RAD54L2: variants seen among roughly 807,000 people sequenced by gnomAD.
The protein encoded by RAD54L2 is RAD54 like 2.
RAD54L2 carries 27 observed loss-of-function variants against 138.4 expected under a neutral mutation model. The observed-to-expected ratio is 0.20, with a 90% CI of 0.14 to 0.27. RAD54L2 has a LOEUF of 0.27. RAD54L2 is among the 10% of genes least tolerant of loss of function. The pLI is 1.00. For missense variants in RAD54L2, 1,396 were observed against 1,890.2 expected (o/e 0.74, Z 4.85); for synonymous variants, 644 against 723.2 (o/e 0.89, Z 1.76).
chr3:51,554,751 G>A (rs1698923920), intron 2 of RAD54L2, among the ~76,000 whole-genome samples: 1 of 152,150 alleles, frequency 6.6e-6, no homozygotes, highest in Non-Finnish European at 1.5e-5. Flanking sequence ...GTCTGACTAG[G>A]AAACATTTGC....
At chr3:51,578,692 G>C (rs529085039) in intron 2 of RAD54L2, among the ~76,000 whole-genome samples, 1 of 152,180 alleles carries the variant, frequency 6.6e-6, no homozygotes, top group African/African-American at 2.4e-5. Flanking sequence ...GCTTTTGGGC[G>C]CTGGGAAGAG....
Position 51,603,142 on chromosome 3 carries a change from CAA to C in RAD54L2, c.139+12602_139+12603del, listed in dbSNP as rs56410629. Among the ~76,000 whole-genome samples the C allele has an allele frequency of 3.5e-3, 321 of 91,494 alleles. 1 individual carries two copies. Among genetic ancestry groups the C allele is most frequent in the Middle Eastern group, 9.8e-3 (2 of 204 alleles). 60.0% of individuals were successfully genotyped at this position (91,494 alleles called of 152,430 possible). ...CATAGTGAAGACCTCATTACTACTA[CAA>C]AAAAAAAAAAAAAAAAAAGCCAGGC... On this transcript the variant is annotated intron_variant, in intron 3 of 22. Coordinates refer to ENST00000684192, the MANE Select transcript of RAD54L2 (RefSeq NM_015106.4).
At chr3:51,569,504 C>T (rs1438654637) in intron 2 of RAD54L2, among the ~76,000 whole-genome samples, 2 of 152,036 alleles carry the variant, frequency 1.3e-5, no homozygotes, top group South Asian at 2.1e-4. Flanking sequence ...CTGCCTCAGT[C>T]TCCCAAGTAG....
At chr3:51,596,408 A>C (rs1009391508) in intron 3 of RAD54L2, among the ~76,000 whole-genome samples, 1 of 152,042 alleles carries the variant, frequency 6.6e-6, no homozygotes, top group African/African-American at 2.4e-5. Flanking sequence ...GCAGAGAAAC[A>C]TGGGAGAAAA....
chr3:51,583,550 G>A (rs1699652867), intron 2 of RAD54L2, among the ~76,000 whole-genome samples: 1 of 150,662 alleles, frequency 6.6e-6, no homozygotes, highest in Non-Finnish European at 1.5e-5. Flanking sequence ...CTCCCAAGTA[G>A]CTGGGATTCC....
chr3:51,637,256 C>T lies in RAD54L2; in HGVS notation c.1435C>T (p.Leu479=), dbSNP rs1170239886. The T allele has an allele frequency of 6.2e-7, 1 of 1,604,252 alleles. No individual in the cohort carries two copies. Among genetic ancestry groups the T allele is most frequent in the Non-Finnish European group, 8.5e-7 (1 of 1,175,440 alleles). The change falls in exon 11 of 23, where the codon CTG becomes TTG. Residue 479 remains leucine, a synonymous_variant. Transcript: ENST00000684192. This position sits in a 1 kb window ranked among gnomAD's most constrained non-coding sequence, Gnocchi z 5.9. ...KNCQASTSQA[L]KNIRSRRRVV... The stretch of plus-strand genomic sequence containing the variant: ...CTGCCAGGCCAGCACCTCACAGGCT[C>T]TGAAGAATATCCGCTCTCGCCGCCG...
intron 20 of RAD54L2, among the ~76,000 whole-genome samples, chr3:51,657,116 C>T (rs1231024488): frequency 2.0e-5 from 3 of 152,060 alleles, no homozygotes; most frequent in South Asian, 2.1e-4. Context: ...AAAAAGAGAG[C>T]GCCATATAAT....
At chr3:51,587,810 A>G (rs964304074) in intron 2 of RAD54L2, among the ~76,000 whole-genome samples, 1 of 152,154 alleles carries the variant, frequency 6.6e-6, no homozygotes, top group Non-Finnish European at 1.5e-5. Flanking sequence ...AGTACTTTTT[A>G]TGTTAAATGA....
chr3:51,655,195 A>T (rs192932854), intron 19 of RAD54L2, among the ~76,000 whole-genome samples: 2 of 151,394 alleles, frequency 1.3e-5, no homozygotes, highest in African/African-American at 4.8e-5. Flanking sequence ...GAAGAACATA[A>T]CAGTCTTAAG....
Position 51,594,715 on chromosome 3 carries a change from T to A in RAD54L2, c.139+4156T>A, listed in dbSNP as rs1699920717. Reference sequence around the variant, plus strand: ...AAAGTAGAAGGGAAAGTATGGCAAATGCTAAGGAATGATGAGCCGTCTTAT... The same window carrying A: ...AAAGTAGAAGGGAAAGTATGGCAAAAGCTAAGGAATGATGAGCCGTCTTAT... On this transcript the variant is annotated intron_variant, in intron 3 of 22. Transcript: ENST00000684192. 2.0e-5 allele frequency among the ~76,000 whole-genome samples: 3 copies of A among 151,868 alleles called. 1 individual carries two copies. In the South Asian group the frequency reaches 6.2e-4, roughly 32 times the overall value.
At chr3:51,614,667 C>T (rs1700405396) in intron 3 of RAD54L2, among the ~76,000 whole-genome samples, 1 of 152,100 alleles carries the variant, frequency 6.6e-6, no homozygotes, top group South Asian at 2.1e-4. Flanking sequence ...CATGTGCCAC[C>T]ATATCGGGCT....
At chr3:51,629,250 A>G in intron 4 of RAD54L2, 84 bp from the exon 5 acceptor site, 1 of 1,424,320 alleles carries the variant, frequency 7.0e-7, no homozygotes, top group Non-Finnish European at 9.6e-7. Flanking sequence ...TGAGATCATC[A>G]ATGGCTATTT....
intron 2 of RAD54L2, among the ~76,000 whole-genome samples, chr3:51,561,035 T>A (rs1023068870): frequency 1.3e-5 from 2 of 152,222 alleles, no homozygotes; most frequent in Non-Finnish European, 2.9e-5. Flanking sequence ...AAAAGACGGA[T>A]CTGCTTATAC....
Position 51,596,710 on chromosome 3 carries a change from C to T in RAD54L2, c.139+6151C>T, listed in dbSNP as rs189150973. 3.3e-5 allele frequency among the ~76,000 whole-genome samples: 5 copies of T among 152,280 alleles called. No individual in the cohort carries two copies. In the East Asian group the frequency reaches 9.6e-4, roughly 29 times the overall value. ...AAAACCGGATGTCCCAGTTCTTTTC[C>T]TCCAGTGCTTTTACTTTATTACCTG... On this transcript the variant is annotated intron_variant, in intron 3 of 22. Coordinates refer to ENST00000684192, the MANE Select transcript of RAD54L2 (RefSeq NM_015106.4).
intron 2 of RAD54L2, among the ~76,000 whole-genome samples, chr3:51,555,433 T>C (rs1281406749): frequency 1.3e-5 from 2 of 151,426 alleles, no homozygotes; most frequent in Non-Finnish European, 2.9e-5. Context: ...GCCAATATGG[T>C]GAAACCCTGT....
At chr3:51,548,039 C>T (rs12491700) in intron 2 of RAD54L2, among the ~76,000 whole-genome samples, 1 of 130,470 alleles carries the variant, frequency 7.7e-6, no homozygotes, top group Non-Finnish European at 1.6e-5. Context: ...TTACAGGCAC[C>T]TGCCACCACA....
At chr3:51,643,121 C>T (rs1459875452) in intron 15 of RAD54L2, among the ~76,000 whole-genome samples, 5 of 151,094 alleles carry the variant, frequency 3.3e-5, no homozygotes, top group Non-Finnish European at 5.9e-5. Context: ...CTGCAGCCTC[C>T]GTCTCCCAGG....
chr3:51,576,243 G>T lies in RAD54L2; in HGVS notation c.-54-14124G>T, dbSNP rs181108181. 1.6e-3 allele frequency among the ~76,000 whole-genome samples: 238 copies of T among 152,270 alleles called. 6 individuals are homozygous for T. In the East Asian group the frequency reaches 0.036, roughly 23 times the overall value. ...GCTTTTTGATGTGCTGCTGGATTCG[G>T]TTTGCCAGTATTTTATTGAGGATTT... is the stretch of plus-strand genomic sequence containing the variant. On this transcript the variant is annotated intron_variant, in intron 2 of 22. Transcript: ENST00000684192.
intron 2 of RAD54L2, among the ~76,000 whole-genome samples, chr3:51,547,354 C>T (rs1043092423): frequency 2.0e-5 from 3 of 149,754 alleles, no homozygotes; most frequent in South Asian, 2.1e-4. Flanking sequence ...CCAGCCTGGG[C>T]GACAGAGTAA....
Sources: gnomAD v4.1 joint callset for allele counts (sites outside exome capture counted in the v4.1 genomes callset) on GRCh38, gnomAD v4.1.1 for gene constraint, Gnocchi (gnomAD v3.1) non-coding constraint, MANE v1.5 for transcripts, NCBI Gene and HGNC (gene_info 2026-07-23, HGNC 2026-07-21) for gene names.